The following CDC42BPA variants were observed in gnomAD, a reference collection of about 807,000 sequenced individuals.
The protein encoded by CDC42BPA is CDC42 binding protein kinase alpha, also known as serine/threonine-protein kinase MRCK alpha.
Under a neutral mutation model 223.5 loss-of-function variants are expected in CDC42BPA, and 80 were observed. The observed-to-expected ratio is 0.36, with a 90% CI of 0.30 to 0.43. The LOEUF (loss-of-function observed/expected upper bound fraction) is 0.43, where lower values mean the gene tolerates loss of function less well. Ranked by LOEUF, CDC42BPA falls within the 20% of genes least tolerant of loss-of-function variation. The pLI is 1.00. For missense variants in CDC42BPA, 1,743 were observed against 2,099.9 expected, an observed-to-expected ratio of 0.83 and a Z score of 3.32; for synonymous variants, 694 against 718.6, an observed-to-expected ratio of 0.97 and a Z score of 0.55.
chr1:227,007,774 T>TA (rs1664378706), intron 34 of CDC42BPA, among the ~76,000 whole-genome samples: 1 of 152,248 alleles, frequency 6.6e-6, no homozygotes. Flanking sequence ...TGGTATGACT[T>TA]ATGTTTATTC....
At chr1:227,166,259 C>T (rs75130487) in intron 5 of CDC42BPA, among the ~76,000 whole-genome samples, 2,956 of 152,260 alleles carry the variant, frequency 0.019, 38 homozygotes, top group Middle Eastern at 0.041. Flanking sequence ...TCCTAACCTT[C>T]GAAATAACGA....
At chr1:227,025,669 C>T (rs933080148) in intron 31 of CDC42BPA, among the ~76,000 whole-genome samples, 5 of 152,104 alleles carry the variant, frequency 3.3e-5, no homozygotes, top group African/African-American at 1.2e-4. Context: ...CTTTTCTAGC[C>T]TTTTAAATCT....
At chr1:227,308,408 G>A (rs1309460184) in intron 1 of CDC42BPA, among the ~76,000 whole-genome samples, 7 of 151,286 alleles carry the variant, frequency 4.6e-5, no homozygotes, top group African/African-American at 1.7e-4. Flanking sequence ...TCCTTGGGAG[G>A]CTGAGGCAGA....
rs116229491 is a variant in CDC42BPA at position 227,147,595 on chromosome 1, T to A, written c.694-36A>T. 3,953 of 1,198,810 alleles carry A rather than the reference T, an allele frequency of 3.3e-3. 18 individuals are homozygous for A. The highest frequency in any genetic ancestry group is 3.1e-3 in the Non-Finnish European group (2,691 of 856,490). 74.3% of individuals were successfully genotyped at this position (1,198,810 alleles called of 1,614,324 possible). On this transcript the variant is annotated intron_variant, in intron 6 of 36. Coordinates refer to ENST00000366766, the MANE Select transcript of CDC42BPA (RefSeq NM_001394014.1). Reference sequence around the variant, plus strand: ...TTACATTTTTATTAATCTCCTATATTAGAAATAAAATATTTTAAATAGTTA... The same window carrying A: ...TTACATTTTTATTAATCTCCTATATAAGAAATAAAATATTTTAAATAGTTA...
chr1:227,127,658 A>G (rs1342257409), intron 11 of CDC42BPA, among the ~76,000 whole-genome samples: 1 of 152,212 alleles, frequency 6.6e-6, no homozygotes, highest in Non-Finnish European at 1.5e-5. Context: ...TGATTCACTT[A>G]TCATGTTCCC....
rs369304684 is a variant in CDC42BPA, at chr1:227,317,682, G to A, written c.-500C>T. 5.0e-6 allele frequency: 2 copies of A among 398,418 alleles called. No homozygotes were observed. Among genetic ancestry groups the A allele is most frequent in the African/African-American group, 2.1e-5 (1 of 48,598 alleles). 24.7% of individuals were successfully genotyped at this position (398,418 alleles called of 1,614,324 possible). A position where few individuals can be genotyped will look rare whatever the true frequency, so the allele number is the denominator to read the frequency against. On this transcript the variant is annotated 5_prime_UTR_variant, in exon 1 of 37. Transcript: ENST00000366766. ...GAGGAAAAAAACAGAATGCATAGAAGGGGGAGGGAAAACCAAAAATGTTGC... is the reference window on the plus strand; with the variant it reads ...GAGGAAAAAAACAGAATGCATAGAAAGGGGAGGGAAAACCAAAAATGTTGC...
At chr1:227,129,666 CAAAAAAAAAAAAAA>C (rs569879499) in intron 10 of CDC42BPA, among the ~76,000 whole-genome samples, 1 of 33,906 alleles carries the variant, frequency 2.9e-5, no homozygotes, top group Admixed American at 5.3e-4. Flanking sequence ...GACTGTATCT[CAAAAAAAAAAAAAA>C]AAAAAAAAAA....
chr1:227,173,199 G>C (rs1375079336), intron 5 of CDC42BPA, among the ~76,000 whole-genome samples: 2 of 152,098 alleles, frequency 1.3e-5, no homozygotes, highest in Non-Finnish European at 2.9e-5. Context: ...CCAAATGACA[G>C]ATACATTCAA....
At chr1:227,037,730 C>G (rs1670544632) in intron 24 of CDC42BPA, among the ~76,000 whole-genome samples, 1 of 152,162 alleles carries the variant, frequency 6.6e-6, no homozygotes, top group Non-Finnish European at 1.5e-5. Context: ...TTGTCTTTTT[C>G]ATAAGATACA....
intron 35 of CDC42BPA, among the ~76,000 whole-genome samples, chr1:226,999,474 C>T (rs1174601032): frequency 1.3e-5 from 2 of 152,100 alleles, no homozygotes; most frequent in Admixed American, 6.5e-5. Flanking sequence ...CCGCGCCCAG[C>T]CTAGGAATGC....
Position 226,991,435 on chromosome 1 carries a change from G to A in CDC42BPA, c.*2833C>T, listed in dbSNP as rs115381746. On this transcript the variant is annotated 3_prime_UTR_variant, in exon 37 of 37. Transcript: ENST00000366766. ...TTCTCAGAAGCTTCTGGAGGTAACA[G>A]GCTTCATATTTAAGGGTGGGATAAA... 1 of 152,140 alleles carries A rather than the reference G, an allele frequency of 6.6e-6. No homozygotes were observed. The highest frequency in any genetic ancestry group is 1.5e-5 in the Non-Finnish European group (1 of 68,032). 9.4% of individuals were successfully genotyped at this position (152,140 alleles called of 1,614,324 possible).
chr1:227,308,823 T>C (rs1693019718), intron 1 of CDC42BPA, among the ~76,000 whole-genome samples: 1 of 152,234 alleles, frequency 6.6e-6, no homozygotes, highest in South Asian at 2.1e-4. Flanking sequence ...GATTAAGTGT[T>C]ATCACTATGA....
intron 1 of CDC42BPA, among the ~76,000 whole-genome samples, chr1:227,315,457 C>T (rs1474083108): frequency 6.6e-6 from 1 of 151,896 alleles, no homozygotes; most frequent in African/African-American, 2.4e-5. Context: ...AGAGTTCTCC[C>T]ATAGCTTCGC....
intron 2 of CDC42BPA, among the ~76,000 whole-genome samples, chr1:227,216,133 T>TAC (rs57710895): frequency 4.2e-4 from 54 of 129,392 alleles, no homozygotes; most frequent in Non-Finnish European, 5.6e-4. Flanking sequence ...TATATATATA[T>TAC]ACACACACAC....
intron 2 of CDC42BPA, among the ~76,000 whole-genome samples, chr1:227,222,326 T>G (rs1254366220): frequency 6.6e-6 from 1 of 151,952 alleles, no homozygotes; most frequent in Non-Finnish European, 1.5e-5. Flanking sequence ...CTGGCCAACT[T>G]GATGAAACCC....
intron 4 of CDC42BPA, 74 bp from the exon 5 acceptor site, chr1:227,194,008 C>A: frequency 1.0e-6 from 1 of 987,180 alleles, no homozygotes; most frequent in South Asian, 1.9e-5. Flanking sequence ...ATCCCAAGGT[C>A]AACAGGACTG....
At chr1:227,092,679 T>C (rs564311792) in intron 15 of CDC42BPA, among the ~76,000 whole-genome samples, 1 of 152,354 alleles carries the variant, frequency 6.6e-6, no homozygotes, top group South Asian at 2.1e-4. Flanking sequence ...TTAGAATTTA[T>C]GAGTTCAGAA....
At chr1:227,162,868 A>ATGTGTGTGTGTGTGTGTGTGTG (rs36157906) in intron 5 of CDC42BPA, among the ~76,000 whole-genome samples, 20 of 149,354 alleles carry the variant, frequency 1.3e-4, no homozygotes, top group African/African-American at 3.5e-4. Context: ...ATAAATATAT[A>ATGTGTGTGTGTGTGTGTGTGTG]TGTGTGTGTG....
rs554070687 is a variant in CDC42BPA at position 227,318,479 on chromosome 1, T to G, written c.-1297A>C. On this transcript the variant is annotated 5_prime_UTR_variant, in exon 1 of 37. Coordinates refer to ENST00000366766, the MANE Select transcript of CDC42BPA (RefSeq NM_001394014.1). ...ACAGAGGCGGAGGCTTGCGGACGAG[T>G]CTGGATCCAATATGGCGGCCTGGCC... 72 of 151,326 alleles carry G rather than the reference T, an allele frequency of 4.8e-4. No homozygotes were observed. In the South Asian group the frequency reaches 0.014, roughly 30 times the overall value. The allele number at this position is 151,326 out of a possible 1,614,324, so 9.4% of individuals were successfully genotyped here. A position where few individuals can be genotyped will look rare whatever the true frequency, so the allele number is the denominator to read the frequency against.
Sources: allele counts gnomAD v4.1 joint callset (sites outside exome capture counted in the v4.1 genomes callset), GRCh38; gene constraint gnomAD v4.1.1; transcripts MANE v1.5; gene names NCBI Gene and HGNC (gene_info 2026-07-23, HGNC 2026-07-21).